Variants in CGB7 observed in about 807,000 individuals in gnomAD.
The protein encoded by CGB7 is chorionic gonadotropin subunit beta 7.
In CGB7, 6 loss-of-function variants were observed where a neutral mutation model predicts 7.3. That is an observed-to-expected ratio of 0.82 (90% CI 0.45 to 1.62). CGB7 has a LOEUF of 1.62. Ranked by LOEUF, CGB7 falls within the 40% of genes most tolerant of loss-of-function variation. The pLI, the probability that CGB7 is intolerant of heterozygous loss-of-function variation, is 0.01. For missense variants in CGB7, 114 were observed against 236.2 expected (o/e 0.48, Z 3.39); for synonymous variants, 47 against 100.8 (o/e 0.47, Z 3.20).
At position 49,057,220 on chromosome 19, in the gene CGB7, G is replaced by T. The variant is rs763341582; in HGVS notation, c.-1320C>A. 1.3e-4 allele frequency: 196 copies of T among 1,533,982 alleles called. No homozygotes were observed. The highest frequency in any genetic ancestry group is 2.5e-4 in the African/African-American group (18 of 72,966). On this transcript the variant is annotated 5_prime_UTR_variant, in exon 2 of 5. Transcript: ENST00000684222. ...TACTGTGAAGGGTGGGCCAGACAGC[G>T]CGGGGTTCTTCGTGCAGGCGATTAG...
In CGB7 at chr19:49,055,000, C is replaced by A. The variant is rs1213222187; in HGVS notation, c.24G>T (p.Leu8=). 2 of 1,602,388 alleles carry A rather than the reference C, an allele frequency of 1.2e-6. No homozygotes were observed. The highest frequency in any genetic ancestry group is 1.1e-5 in the South Asian group (1 of 90,920). The part of the protein sequence containing the change: MEMFQGL[L]LLLLLSMGGT... ...CGCCCATGCTCAGCAGCAGCAACAG[C>A]AGCAGCCCCTGGGACAAGGACACTG... Residue 8 remains leucine (L), a synonymous_variant, in exon 4 of 5, where the codon CTG becomes CTT. Transcript: ENST00000684222.
Position 49,057,504 on chromosome 19 carries a change from GC to G in CGB7, c.-1392del. 1 of 1,238,556 alleles carries G rather than the reference GC, an allele frequency of 8.1e-7. No individual in the cohort carries two copies. The highest frequency in any genetic ancestry group is 1.0e-6 in the Non-Finnish European group (1 of 982,470). 76.7% of individuals were successfully genotyped at this position (1,238,556 alleles called of 1,614,324 possible). On this transcript the variant is annotated 5_prime_UTR_variant, in exon 1 of 5. Transcript: ENST00000684222. Reference sequence around the variant, plus strand: ...CTCCTGCTGGTCAAGGAACTCAAATGCAGGCCCCCAGCCACCACAAAATCCC... The same window carrying G: ...CTCCTGCTGGTCAAGGAACTCAAATGAGGCCCCCAGCCACCACAAAATCCC...
rs35772417 is a variant in CGB7 at position 49,055,732 on chromosome 19, G to A, written c.-357C>T. 381,586 of 1,230,808 alleles carry A rather than the reference G, an allele frequency of 0.31. 60,744 individuals carry two copies. Among genetic ancestry groups the A allele is most frequent in the South Asian group, 0.4 (20,321 of 50,984 alleles). The allele number at this position is 1,230,808 out of a possible 1,614,324, so 76.2% of individuals were successfully genotyped here. On this transcript the variant is annotated 5_prime_UTR_variant, in exon 3 of 5. Coordinates refer to ENST00000684222, the MANE Select transcript of CGB7 (RefSeq NM_001385261.1). Reference sequence around the variant, plus strand: ...CAGGAGGAGGCCGTGACCCGAGAAAGGTGCTGGACTGAAGCCTCAACCCTC... The same window carrying A: ...CAGGAGGAGGCCGTGACCCGAGAAAAGTGCTGGACTGAAGCCTCAACCCTC...
chr19:49,057,001 G>A, intron 2 of CGB7, 120 bp downstream of exon 2: 1 of 1,071,490 alleles, frequency 9.3e-7, no homozygotes. Context: ...GGTTGTTGCT[G>A]CTATAGGAGT....
chr19:49,056,585 A>G lies in CGB7; in HGVS notation c.-1210T>C. 2 of 1,291,894 alleles carry G rather than the reference A, an allele frequency of 1.5e-6. No homozygotes were observed. The highest frequency in any genetic ancestry group is 2.0e-6 in the Non-Finnish European group (2 of 989,842). 80.0% of individuals were successfully genotyped at this position (1,291,894 alleles called of 1,614,324 possible). On this transcript the variant is annotated 5_prime_UTR_variant, in exon 3 of 5. Coordinates refer to ENST00000684222, the MANE Select transcript of CGB7 (RefSeq NM_001385261.1). Reference sequence around the variant, plus strand: ...AGGTAGTCCTTGCGGGGGTATCCGGACGGCTCCGTCCTGTGGGAGCAGGGC... The same window carrying G: ...AGGTAGTCCTTGCGGGGGTATCCGGGCGGCTCCGTCCTGTGGGAGCAGGGC...
Position 49,055,551 on chromosome 19 carries a change from C to G in CGB7, c.-176G>C. 6.5e-7 allele frequency: 1 copy of G among 1,548,288 alleles called. No homozygotes were observed. Among genetic ancestry groups the G allele is most frequent in the Non-Finnish European group, 8.7e-7 (1 of 1,147,060 alleles). Reference sequence around the variant, plus strand: ...TGGCTCAGCGGAGCACCCCAGTCCTCTCCCCTCAGTGGTCTAGCGCCAAGG... The same window carrying G: ...TGGCTCAGCGGAGCACCCCAGTCCTGTCCCCTCAGTGGTCTAGCGCCAAGG... On this transcript the variant is annotated 5_prime_UTR_variant, in exon 3 of 5. Coordinates refer to ENST00000684222, the MANE Select transcript of CGB7 (RefSeq NM_001385261.1).
At chr19:49,055,295 G>T in intron 3 of CGB7, 66 bp downstream of exon 3, 1 of 1,608,564 alleles carries the variant, frequency 6.2e-7, no homozygotes, top group Non-Finnish European at 8.5e-7. Context: ...ACACTGGTCT[G>T]CCCCTTCTCA....
rs994066919 is a variant in CGB7 at position 49,056,353 on chromosome 19, C to G, written c.-978G>C. On this transcript the variant is annotated 5_prime_UTR_variant, in exon 3 of 5. Transcript: ENST00000684222. ...GGACGCTGTGTATGCCCGGCAGGGG[C>G]TTCCAGTGGGGGCCACCCCAAGTCG... 1.1e-4 allele frequency: 147 copies of G among 1,295,434 alleles called. No individual in the cohort carries two copies. Among genetic ancestry groups the G allele is most frequent in the Non-Finnish European group, 1.5e-4 (144 of 992,416 alleles). The allele number at this position is 1,295,434 out of a possible 1,614,324, so 80.2% of individuals were successfully genotyped here. A position where few individuals can be genotyped will look rare whatever the true frequency, so the allele number is the denominator to read the frequency against.
In CGB7 at chr19:49,055,139, C is replaced by A. The variant is rs1355835584; in HGVS notation, c.16-131G>T. On this transcript the variant is annotated intron_variant, in intron 3 of 4. Transcript: ENST00000684222. ...GGCATCTCCTATTCAGGACCCACCA[C>A]CCGGACACCTGCCTTTCAGAGCCCA... The A allele has an allele frequency of 4.5e-6, 7 of 1,556,258 alleles. No individual in the cohort carries two copies. The East Asian group carries it at 1.6e-4, about 35-fold the overall frequency.
intron 2 of CGB7, 38 bp from the exon 3 acceptor site, chr19:49,056,633 A>C (rs1454689423): frequency 3.3e-6 from 4 of 1,221,924 alleles, no homozygotes; most frequent in Non-Finnish European, 3.1e-6. Context: ...ATACAGCTGG[A>C]TCCTTGGGGA....
Position 49,056,095 on chromosome 19 carries a change from C to G in CGB7, c.-720G>C, listed in dbSNP as rs1353085998. On this transcript the variant is annotated 5_prime_UTR_variant, in exon 3 of 5. Coordinates refer to ENST00000684222, the MANE Select transcript of CGB7 (RefSeq NM_001385261.1). The stretch of plus-strand genomic sequence containing the variant: ...TTGTCTGGACTTAGTCCCTTCCCCG[C>G]GATCCAGCCGCAGCTGAGTGGGCGT... 14 of 1,181,352 alleles carry G rather than the reference C, an allele frequency of 1.2e-5. No individual in the cohort carries two copies. In the Admixed American group the frequency reaches 1.5e-4, roughly 12 times the overall value. The allele number at this position is 1,181,352 out of a possible 1,614,324, so 73.2% of individuals were successfully genotyped here.
rs370423985 is a variant in CGB7 at position 49,054,976 on chromosome 19, G to A, written c.48C>T (p.Gly16=). ...GCATCTCCCTGGATGCCCATGTCCC[G>A]CCCATGCTCAGCAGCAGCAACAGCA... ...GLLLLLLLSM[G]GTWASREMLR... Residue 16 remains glycine (G), a synonymous_variant, in exon 4 of 5, where the codon GGC becomes GGT. Coordinates refer to ENST00000684222, the MANE Select transcript of CGB7 (RefSeq NM_001385261.1). 1.0e-4 allele frequency: 164 copies of A among 1,600,342 alleles called. 3 individuals carry two copies. The highest frequency in any genetic ancestry group is 8.8e-4 in the African/African-American group (65 of 73,834).
At position 49,055,753 on chromosome 19, in the gene CGB7, C is replaced by T. The variant is rs924531802; in HGVS notation, c.-378G>A. On this transcript the variant is annotated 5_prime_UTR_variant, in exon 3 of 5. Transcript: ENST00000684222. Reference sequence around the variant, plus strand: ...GAAAGGTGCTGGACTGAAGCCTCAACCCTCCTCTACTTGAGCCATTCCTGC... The same window carrying T: ...GAAAGGTGCTGGACTGAAGCCTCAATCCTCCTCTACTTGAGCCATTCCTGC... 58 of 1,188,100 alleles carry T rather than the reference C, an allele frequency of 4.9e-5. No individual in the cohort carries two copies. The highest frequency in any genetic ancestry group is 5.8e-5 in the Non-Finnish European group (55 of 949,372). 73.6% of individuals were successfully genotyped at this position (1,188,100 alleles called of 1,614,324 possible). A position where few individuals can be genotyped will look rare whatever the true frequency, so the allele number is the denominator to read the frequency against.
intron 3 of CGB7, 22 bp from the exon 4 acceptor site, chr19:49,055,030 A>G (rs1436732742): frequency 2.5e-6 from 4 of 1,600,804 alleles, no homozygotes; most frequent in Non-Finnish European, 3.4e-6. Context: ...ACACTGCTTC[A>G]CCCGGGCCTG....
In CGB7 at chr19:49,056,126, G is replaced by C; in HGVS notation, c.-751C>G. ...AGCCGCAGCTGAGTGGGCGTGTCTG[G>C]GCTAGTCCTGTCCCCACACTGCGGA... On this transcript the variant is annotated 5_prime_UTR_variant, in exon 3 of 5. Transcript: ENST00000684222. 1 of 1,201,538 alleles carries C rather than the reference G, an allele frequency of 8.3e-7. No homozygotes were observed. Among genetic ancestry groups the C allele is most frequent in the Non-Finnish European group, 1.1e-6 (1 of 943,998 alleles). 74.4% of individuals were successfully genotyped at this position (1,201,538 alleles called of 1,614,324 possible). A position where few individuals can be genotyped will look rare whatever the true frequency, so the allele number is the denominator to read the frequency against.
chr19:49,056,402 A>G lies in CGB7; in HGVS notation c.-1027T>C. 7.7e-7 allele frequency: 1 copy of G among 1,296,094 alleles called. No homozygotes were observed. Among genetic ancestry groups the G allele is most frequent in the Non-Finnish European group, 1.0e-6 (1 of 992,842 alleles). The allele number at this position is 1,296,094 out of a possible 1,614,324, so 80.3% of individuals were successfully genotyped here. A position where few individuals can be genotyped will look rare whatever the true frequency, so the allele number is the denominator to read the frequency against. On this transcript the variant is annotated 5_prime_UTR_variant, in exon 3 of 5. Coordinates refer to ENST00000684222, the MANE Select transcript of CGB7 (RefSeq NM_001385261.1). ...CGCCTCCAGCGGGCGGAAGCGGTCG[A>G]GCCGGCGGAGCGGGTGCGGCGAGGA...
rs958963980 is a variant in CGB7 at position 49,055,197 on chromosome 19, C to A, written c.15+164G>T. 1.2e-5 allele frequency: 12 copies of A among 984,986 alleles called. 1 individual carries two copies. Among genetic ancestry groups the A allele is most frequent in the Non-Finnish European group, 1.4e-5 (12 of 829,598 alleles). The allele number at this position is 984,986 out of a possible 1,614,324, so 61.0% of individuals were successfully genotyped here. A position where few individuals can be genotyped will look rare whatever the true frequency, so the allele number is the denominator to read the frequency against. On this transcript the variant is annotated intron_variant, in intron 3 of 4. Transcript: ENST00000684222. ...GCCCGAGGGACCTGAGATGCCCCAA[C>A]ATTTCAGATCCCCACCCTCAGGAAC...
rs1288190058 is a variant in CGB7, at chr19:49,056,297, G to C, written c.-922C>G. On this transcript the variant is annotated 5_prime_UTR_variant, in exon 3 of 5. An upstream open reading frame in the 5' UTR gains an earlier in-frame stop. Coordinates refer to ENST00000684222, the MANE Select transcript of CGB7 (RefSeq NM_001385261.1). ...CACTAGCCCCGGCTTACAGCGGCCT[G>C]AGCGGGAGTTCTCGGTGCTGTAGGC... is the stretch of plus-strand genomic sequence containing the variant. 4 of 1,292,452 alleles carry C rather than the reference G, an allele frequency of 3.1e-6. No individual in the cohort carries two copies. The South Asian group carries it at 4.9e-5, about 16-fold the overall frequency. The allele number at this position is 1,292,452 out of a possible 1,614,324, so 80.1% of individuals were successfully genotyped here.
In CGB7 at chr19:49,054,892, G is replaced by T. The variant is rs201483385; in HGVS notation, c.132C>A (p.Pro44=). 1.1e-5 allele frequency: 17 copies of T among 1,590,492 alleles called. No homozygotes were observed. The East Asian group carries it at 2.9e-4, about 27-fold the overall frequency. ...TGGTGGTGTTGACGGTGATGCACAC[G>T]GGGCAGCCCTCCTTCTCCACAGCCA... The part of the protein sequence containing the change: ...ATLAVEKEGC[P]VCITVNTTIC... Residue 44 remains proline (P), a synonymous_variant, in exon 4 of 5, where the codon CCC becomes CCA. Transcript: ENST00000684222.
Sources: allele counts gnomAD v4.1 joint callset, GRCh38; gene constraint gnomAD v4.1.1; transcripts MANE v1.5; gene names NCBI Gene and HGNC (gene_info 2026-07-23, HGNC 2026-07-21).